The following NBEA variants were observed in gnomAD, a reference collection of about 807,000 sequenced individuals.
NBEA encodes neurobeachin, also known as lysosomal-trafficking regulator 2.
NBEA carries 44 observed loss-of-function variants against 343.4 expected under a neutral mutation model. The ratio of observed to expected loss-of-function variants is 0.13; its 90% CI spans 0.10 to 0.16. The LOEUF (loss-of-function observed/expected upper bound fraction) is 0.16, where lower values mean the gene tolerates loss of function less well. Among genes scored for constraint, NBEA ranks in the 10% least tolerant of loss-of-function variants. The probability of loss-of-function intolerance (pLI) is 1.00; values close to 1 mark genes in which losing one functional copy is unlikely to be tolerated. For missense variants in NBEA, 2,555 were observed against 3,631.3 expected, an observed-to-expected ratio of 0.70 and a Z score of 7.62; for synonymous variants, 1,175 against 1,238.7, an observed-to-expected ratio of 0.95 and a Z score of 1.08.
At chr13:34,980,719 G>A (rs1347131162) in intron 1 of NBEA, among the ~76,000 whole-genome samples, 1 of 152,012 alleles carries the variant, frequency 6.6e-6, no homozygotes, top group Non-Finnish European at 1.5e-5. Context: ...TGATCATTTA[G>A]TAGATTACAA....
chr13:35,604,091 T>C (rs983323962), intron 47 of NBEA, among the ~76,000 whole-genome samples: 5 of 152,192 alleles, frequency 3.3e-5, no homozygotes, highest in African/African-American at 9.7e-5. Context: ...CCGTGACTGA[T>C]AAACACTGTC....
At chr13:35,493,554 G>A (rs2076571544) in intron 41 of NBEA, among the ~76,000 whole-genome samples, 1 of 151,908 alleles carries the variant, frequency 6.6e-6, no homozygotes, top group Admixed American at 6.6e-5. Flanking sequence ...TTTGAAGTAT[G>A]TAAAACTGCC....
intron 41 of NBEA, among the ~76,000 whole-genome samples, chr13:35,488,488 G>T (rs531730896): frequency 6.6e-6 from 1 of 151,666 alleles, no homozygotes; most frequent in African/African-American, 2.4e-5. Context: ...AATAAATTTT[G>T]TATCTACAAA....
chr13:35,571,046 C>CT (rs1217802151), intron 45 of NBEA, among the ~76,000 whole-genome samples: 3 of 152,114 alleles, frequency 2.0e-5, no homozygotes, highest in Non-Finnish European at 4.4e-5. Context: ...TAAAAGATCT[C>CT]TAACAACAAA....
chr13:35,304,294 A>T (rs2152828317), intron 35 of NBEA, among the ~76,000 whole-genome samples: 1 of 152,162 alleles, frequency 6.6e-6, no homozygotes, highest in East Asian at 1.9e-4. Flanking sequence ...TCATTGAACA[A>T]ATTCAGGAAT....
chr13:35,256,634 C>T (rs2032631522), intron 34 of NBEA, among the ~76,000 whole-genome samples: 1 of 152,202 alleles, frequency 6.6e-6, no homozygotes, highest in South Asian at 2.1e-4. Context: ...CTAAGCCATC[C>T]TCAGTACCCT....
chr13:35,355,005 C>T (rs2040412650), intron 38 of NBEA, among the ~76,000 whole-genome samples: 1 of 152,102 alleles, frequency 6.6e-6, no homozygotes, highest in Non-Finnish European at 1.5e-5. Flanking sequence ...AAAGGCAACT[C>T]CATTCTTACT....
intron 40 of NBEA, among the ~76,000 whole-genome samples, chr13:35,454,247 T>G (rs1186668092): frequency 6.6e-6 from 1 of 152,206 alleles, no homozygotes; most frequent in Non-Finnish European, 1.5e-5. Flanking sequence ...AAGAATAGAT[T>G]TATTTTGTAA....
At chr13:35,063,141 CTACAGATAAGG>C (rs1301624525) in intron 8 of NBEA, among the ~76,000 whole-genome samples, 1 of 151,948 alleles carries the variant, frequency 6.6e-6, no homozygotes, top group Non-Finnish European at 1.5e-5. Context: ...GTGCTAGCTA[CTACAGATAAGG>C]TACACTAAAT....
intron 41 of NBEA, among the ~76,000 whole-genome samples, chr13:35,489,186 A>C (rs1181980953): frequency 2.6e-5 from 4 of 151,804 alleles, no homozygotes; most frequent in East Asian, 1.9e-4. Context: ...GCTTTCTTGC[A>C]GTTTGTATCT....
intron 24 of NBEA, among the ~76,000 whole-genome samples, chr13:35,165,923 G>A (rs1282105937): frequency 6.6e-6 from 1 of 151,986 alleles, no homozygotes; most frequent in Non-Finnish European, 1.5e-5. Context: ...GACCTCAAAT[G>A]ATCTGCCTGT....
At chr13:35,526,761 C>T (rs1005238486) in intron 41 of NBEA, among the ~76,000 whole-genome samples, 3 of 152,180 alleles carry the variant, frequency 2.0e-5, no homozygotes, top group Non-Finnish European at 4.4e-5. Flanking sequence ...TGAGCGAGTG[C>T]ATGGTCCGGC....
chr13:35,548,289 G>T (rs549842180), intron 41 of NBEA, among the ~76,000 whole-genome samples: 4 of 152,130 alleles, frequency 2.6e-5, no homozygotes, highest in African/African-American at 9.7e-5. Flanking sequence ...TGCACTTAAG[G>T]AGTCAAACTA....
intron 39 of NBEA, among the ~76,000 whole-genome samples, chr13:35,434,415 C>T (rs557414459): frequency 6.6e-6 from 1 of 152,208 alleles, no homozygotes; most frequent in East Asian, 1.9e-4. Flanking sequence ...TTATCTATCC[C>T]TCTTGAGTTG....
intron 10 of NBEA, among the ~76,000 whole-genome samples, chr13:35,084,708 C>G (rs1226703964): frequency 6.6e-6 from 1 of 152,040 alleles, no homozygotes; most frequent in East Asian, 1.9e-4. Context: ...CAAAAGCTAG[C>G]AGAAGGCAAG....
At position 35,670,567 on chromosome 13, in the gene NBEA, T is replaced by C. The variant is rs117808856; in HGVS notation, c.8814-334T>C. Among the ~76,000 whole-genome samples, 233 of 152,140 alleles carry C rather than the reference T, an allele frequency of 1.5e-3. 1 individual carries two copies. The highest frequency in any genetic ancestry group is 2.4e-3 in the Non-Finnish European group (165 of 68,008). ...TGCCAGATATCCTCAGAGAAGCCAATAGATGCCCAAAACAAGGCAGCGGAC... is the reference window on the plus strand; with the variant it reads ...TGCCAGATATCCTCAGAGAAGCCAACAGATGCCCAAAACAAGGCAGCGGAC... On this transcript the variant is annotated intron_variant, in intron 58 of 58. Coordinates refer to ENST00000379939, the MANE Select transcript of NBEA (RefSeq NM_001385012.1).
In NBEA at chr13:35,196,038, G is replaced by A; in HGVS notation, c.5102G>A (p.Ser1701Asn). 1.2e-6 allele frequency: 2 copies of A among 1,613,668 alleles called. No individual in the cohort carries two copies. Among genetic ancestry groups the A allele is most frequent in the Non-Finnish European group, 1.7e-6 (2 of 1,179,746 alleles). ...LETSTGPDAMSELLSTLSSEV... is the reference protein window; with the variant it reads ...LETSTGPDAMNELLSTLSSEV... ...ACAAGTACAGGCCCTGATGCCATGA[G>A]TGAACTCTTATCCACTTTGTCATCC... The change falls in exon 31 of 59, where the codon AGT becomes AAT. Residue 1701 changes from serine to asparagine, a missense_variant. Ser to Asn is a conservative substitution (Grantham distance 46). This residue lies in a region of NBEA where 270 missense variants were observed against 293.3 expected (regional missense o/e 0.92). Coordinates refer to ENST00000379939, the MANE Select transcript of NBEA (RefSeq NM_001385012.1).
intron 1 of NBEA, among the ~76,000 whole-genome samples, chr13:35,004,369 G>A (rs1043905094): frequency 6.6e-6 from 1 of 152,146 alleles, no homozygotes; most frequent in African/African-American, 2.4e-5. Context: ...TATATTGGAT[G>A]CTTTGTCTTC....
intron 24 of NBEA, among the ~76,000 whole-genome samples, chr13:35,166,631 C>G (rs2070054661): frequency 6.6e-6 from 1 of 152,020 alleles, no homozygotes; most frequent in African/African-American, 2.4e-5. Context: ...TGAATTGCTT[C>G]CTTAAGAGAA....
Sources: allele counts gnomAD v4.1 joint callset (sites outside exome capture counted in the v4.1 genomes callset), GRCh38; gene constraint gnomAD v4.1.1; regional missense constraint gnomAD v4.1.1; transcripts MANE v1.5; gene names NCBI Gene and HGNC (gene_info 2026-07-23, HGNC 2026-07-21).